Variants in ARHGEF3 observed in about 807,000 individuals in gnomAD.
The protein encoded by ARHGEF3 is 59.8 kDA protein.
Under a neutral mutation model 63.2 loss-of-function variants are expected in ARHGEF3, and 28 were observed. The observed-to-expected ratio is 0.44, with a 90% CI of 0.33 to 0.61. ARHGEF3 has a LOEUF of 0.61. Ranked by LOEUF, ARHGEF3 falls within the 20% of genes least tolerant of loss-of-function variation. The pLI, the probability that ARHGEF3 is intolerant of heterozygous loss-of-function variation, is 0.03. For synonymous variants in ARHGEF3, 266 were observed against 254.2 expected (o/e 1.05, Z -0.44); for missense variants, 533 against 659.3 (o/e 0.81, Z 2.10).
intron 1 of ARHGEF3, among the ~76,000 whole-genome samples, chr3:57,062,204 C>T (rs1319534260): frequency 6.6e-6 from 1 of 152,100 alleles, no homozygotes; most frequent in Non-Finnish European, 1.5e-5. Context: ...GCAATGTGCC[C>T]AACCCTCCCC....
At chr3:56,967,615 TAA>T (rs1271086967) in intron 2 of ARHGEF3, among the ~76,000 whole-genome samples, 4 of 89,812 alleles carry the variant, frequency 4.5e-5, no homozygotes, top group Non-Finnish European at 5.7e-5. Flanking sequence ...ATATGTTACA[TAA>T]TATATATTAT....
chr3:56,994,499 G>A (rs921554361), intron 2 of ARHGEF3, among the ~76,000 whole-genome samples: 5 of 151,324 alleles, frequency 3.3e-5, no homozygotes, highest in Non-Finnish European at 5.9e-5. Flanking sequence ...AAAATTATTC[G>A]CCAGAAAGGG....
chr3:57,009,564 T>C (rs1702599907), intron 2 of ARHGEF3, among the ~76,000 whole-genome samples: 2 of 151,966 alleles, frequency 1.3e-5, no homozygotes, highest in Non-Finnish European at 1.5e-5. Flanking sequence ...CAGGCCAGGA[T>C]GTGAAGGGTG....
chr3:57,030,720 CT>C (rs1425539154), intron 2 of ARHGEF3, among the ~76,000 whole-genome samples: 3 of 152,174 alleles, frequency 2.0e-5, no homozygotes, highest in African/African-American at 7.2e-5. Flanking sequence ...TAGAAATGCA[CT>C]ATCTGTCTGC....
At chr3:56,793,131 G>A (rs911787522) in intron 1 of ARHGEF3, among the ~76,000 whole-genome samples, 4 of 151,492 alleles carry the variant, frequency 2.6e-5, no homozygotes, top group Admixed American at 2.0e-4. Context: ...AGTCTCCCAA[G>A]TAGCTGGGAT....
chr3:56,918,420 C>T (rs943246891), intron 3 of ARHGEF3, among the ~76,000 whole-genome samples: 2 of 152,224 alleles, frequency 1.3e-5, no homozygotes, highest in African/African-American at 4.8e-5. Context: ...ACCTAACTTC[C>T]GGCTGCTGAC....
chr3:56,775,279 C>A, intron 1 of ARHGEF3: 1 of 1,264,400 alleles, frequency 7.9e-7, no homozygotes, highest in Non-Finnish European at 1.0e-6. Context: ...CCTGCTGAGA[C>A]ACTCTCATGT....
Position 57,025,103 on chromosome 3 carries a change from G to A in ARHGEF3, c.62+9985C>T, listed in dbSNP as rs146193413. On this transcript the variant is annotated intron_variant, in intron 2 of 12. Coordinates refer to the ARHGEF3 transcript ENST00000338458. ...GAACGTGGATCTGACTCTTCAAAACGCTAGTGCCATGGAGGGCAAAAATAA... is the reference window on the plus strand; with the variant it reads ...GAACGTGGATCTGACTCTTCAAAACACTAGTGCCATGGAGGGCAAAAATAA... Among the ~76,000 whole-genome samples the A allele has an allele frequency of 3.9e-5, 6 of 152,300 alleles. No individual in the cohort carries two copies. The East Asian group carries it at 1.2e-3, about 29-fold the overall frequency.
chr3:57,009,699 G>A (rs1227780561), intron 2 of ARHGEF3, among the ~76,000 whole-genome samples: 1 of 152,182 alleles, frequency 6.6e-6, no homozygotes, highest in African/African-American at 2.4e-5. Context: ...GTGATGGAAT[G>A]CCAGGGTAAG....
At chr3:57,059,798 A>C (rs1047168774) in intron 1 of ARHGEF3, among the ~76,000 whole-genome samples, 3 of 151,948 alleles carry the variant, frequency 2.0e-5, no homozygotes, top group Non-Finnish European at 4.4e-5. Flanking sequence ...AGAGTTCAAG[A>C]CCAGCCTGAC....
intron 4 of ARHGEF3, among the ~76,000 whole-genome samples, chr3:56,869,198 A>G (rs953492589): frequency 6.6e-6 from 1 of 152,132 alleles, no homozygotes; most frequent in African/African-American, 2.4e-5. Flanking sequence ...TTATAAGGGG[A>G]AAAGGTCAGT....
chr3:56,873,061 T>C (rs1235731807), intron 4 of ARHGEF3, among the ~76,000 whole-genome samples: 1 of 152,096 alleles, frequency 6.6e-6, no homozygotes, highest in Non-Finnish European at 1.5e-5. Flanking sequence ...TGCAGTGGCA[T>C]GATCTCAGCT....
At position 56,889,865 on chromosome 3, in the gene ARHGEF3, C is replaced by G. The variant is rs183502349; in HGVS notation, c.130-7511G>C. On this transcript the variant is annotated intron_variant, in intron 3 of 12. Coordinates refer to the ARHGEF3 transcript ENST00000338458. ...TCACCTGAGGTCAGGAGTTTGAGACCAGCCTGGCCAACATGGTGAAACCTC... is the reference window on the plus strand; with the variant it reads ...TCACCTGAGGTCAGGAGTTTGAGACGAGCCTGGCCAACATGGTGAAACCTC... Among the ~76,000 whole-genome samples, 466 of 152,244 alleles carry G rather than the reference C, an allele frequency of 3.1e-3. 3 individuals are homozygous for G. The highest frequency in any genetic ancestry group is 0.011 in the African/African-American group (449 of 41,544).
intron 3 of ARHGEF3, among the ~76,000 whole-genome samples, chr3:56,889,238 C>A (rs1483045307): frequency 6.6e-6 from 1 of 152,144 alleles, no homozygotes; most frequent in Non-Finnish European, 1.5e-5. Context: ...GAACAAACTG[C>A]CTTTTCGGTT....
intron 4 of ARHGEF3, among the ~76,000 whole-genome samples, chr3:56,864,906 A>G (rs1255640176): frequency 1.3e-5 from 2 of 152,194 alleles, no homozygotes; most frequent in African/African-American, 2.4e-5. Flanking sequence ...TTTGTCAAGA[A>G]CATGAGACCT....
At chr3:56,900,706 A>T (rs916872470) in intron 3 of ARHGEF3, among the ~76,000 whole-genome samples, 1 of 152,324 alleles carries the variant, frequency 6.6e-6, no homozygotes. Context: ...GCTTTGTTAC[A>T]ATGTAGACAA....
chr3:57,031,475 G>C (rs147049182), intron 2 of ARHGEF3, among the ~76,000 whole-genome samples: 1 of 152,280 alleles, frequency 6.6e-6, no homozygotes, highest in East Asian at 1.9e-4. Flanking sequence ...ATGACCCACT[G>C]TGGGAGATAC....
intron 2 of ARHGEF3, among the ~76,000 whole-genome samples, chr3:56,971,919 C>T (rs1252924022): frequency 6.6e-6 from 1 of 151,536 alleles, no homozygotes; most frequent in African/African-American, 2.4e-5. Flanking sequence ...ACTAACCCCA[C>T]CTGGTGTGGT....
intron 4 of ARHGEF3, among the ~76,000 whole-genome samples, chr3:56,824,259 G>A (rs940130676): frequency 6.6e-6 from 1 of 152,338 alleles, no homozygotes; most frequent in East Asian, 1.9e-4. Flanking sequence ...TTTACAAAAT[G>A]TCAGTGATAA....
Sources: allele counts gnomAD v4.1 joint callset (sites outside exome capture counted in the v4.1 genomes callset), GRCh38; gene constraint gnomAD v4.1.1; transcripts MANE v1.5; gene names NCBI Gene and HGNC (gene_info 2026-07-23, HGNC 2026-07-21).